VPS13A: variants seen among roughly 807,000 people sequenced by gnomAD.
The protein encoded by VPS13A is intermembrane lipid transfer protein VPS13A.
In VPS13A, 264 loss-of-function variants were observed where a neutral mutation model predicts 390.9. The observed-to-expected ratio is 0.68, with a 90% CI of 0.61 to 0.75. The LOEUF is 0.75. Among genes scored for constraint, VPS13A ranks in the 30% least tolerant of loss-of-function variants. VPS13A has a pLI of 0.00. For synonymous variants in VPS13A, 1,231 were observed against 1,227.1 expected (o/e 1.00, Z -0.07); for missense variants, 3,409 against 3,733.9 (o/e 0.91, Z 2.27).
At chr9:77,294,016 G>A (rs1014478765) in intron 32 of VPS13A, among the ~76,000 whole-genome samples, 12 of 151,982 alleles carry the variant, frequency 7.9e-5, no homozygotes, top group African/African-American at 2.9e-4. Flanking sequence ...TGATCCTCCC[G>A]CCCCAACCTC....
chr9:77,340,094 T>A, intron 48 of VPS13A, 84 bp from the exon 49 acceptor site: 1 of 1,403,544 alleles, frequency 7.1e-7, no homozygotes, highest in Non-Finnish European at 1.0e-6. Context: ...ATATTTTGTT[T>A]ATGCTAAAAA....
intron 45 of VPS13A, among the ~76,000 whole-genome samples, chr9:77,324,973 C>CT (rs1273327780): frequency 1.1e-4 from 16 of 152,132 alleles, no homozygotes; most frequent in Admixed American, 5.9e-4. Context: ...GGCATATAGT[C>CT]TCAGGATTCC....
At chr9:77,218,306 G>A (rs1396810656) in intron 10 of VPS13A, among the ~76,000 whole-genome samples, 1 of 151,786 alleles carries the variant, frequency 6.6e-6, no homozygotes, top group African/African-American at 2.4e-5. Context: ...ATACAGATGG[G>A]GTTTCACTGT....
chr9:77,227,703 T>G (rs1330604620), intron 16 of VPS13A, among the ~76,000 whole-genome samples: 2 of 134,640 alleles, frequency 1.5e-5, no homozygotes, highest in Admixed American at 7.4e-5. Context: ...TTTTTTTTTG[T>G]TTTTTTTTTT....
intron 31 of VPS13A, among the ~76,000 whole-genome samples, chr9:77,289,144 GT>G (rs1164768652): frequency 6.6e-6 from 1 of 152,054 alleles, no homozygotes; most frequent in African/African-American, 2.4e-5. Flanking sequence ...GTTGCCCAGG[GT>G]GGTCTTGAAC....
chr9:77,321,114 A>T, intron 42 of VPS13A, 55 bp from the exon 43 acceptor site: 1 of 1,484,636 alleles, frequency 6.7e-7, no homozygotes, highest in South Asian at 1.2e-5. Context: ...GGATTTGTCT[A>T]GTTATGTTGT....
chr9:77,336,401 A>T (rs1830538863), intron 46 of VPS13A, among the ~76,000 whole-genome samples: 1 of 152,158 alleles, frequency 6.6e-6, no homozygotes, highest in Non-Finnish European at 1.5e-5. Flanking sequence ...GTAAAATATC[A>T]TACTGATGTT....
At chr9:77,274,698 G>A (rs1263318443) in intron 24 of VPS13A, among the ~76,000 whole-genome samples, 4 of 151,896 alleles carry the variant, frequency 2.6e-5, no homozygotes, top group Admixed American at 2.6e-4. Context: ...ATTAGAAAAG[G>A]TGTATGTCTA....
At chr9:77,209,978 C>T (rs1825876307) in intron 6 of VPS13A, among the ~76,000 whole-genome samples, 1 of 151,766 alleles carries the variant, frequency 6.6e-6, no homozygotes, top group African/African-American at 2.4e-5. Context: ...TTTTTGTAAA[C>T]TGGAAAACAT....
In VPS13A at chr9:77,337,411, A is replaced by G. The variant is rs535196763; in HGVS notation, c.6252A>G (p.Glu2084=). ...CATTTCTCATTAATATTGTTCCAGA[A>G]AAAGATAATTTAACATCTCTATCAG... ...KESFLINIVP[E]KDNLTSLSVY... The change falls in exon 47 of 72, where the codon GAA becomes GAG. Residue 2084 remains glutamate, a synonymous_variant. Coordinates refer to ENST00000360280, the MANE Select transcript of VPS13A (RefSeq NM_033305.3). 24 of 1,613,142 alleles carry G rather than the reference A, an allele frequency of 1.5e-5. 1 individual carries two copies. The East Asian group carries it at 1.6e-4, about 11-fold the overall frequency.
intron 34 of VPS13A, among the ~76,000 whole-genome samples, chr9:77,303,383 A>C (rs1008690424): frequency 6.6e-6 from 1 of 152,188 alleles, no homozygotes; most frequent in Admixed American, 6.5e-5. Context: ...AATCAGACAC[A>C]TAATTAAAAT....
intron 32 of VPS13A, 45 bp from the exon 33 acceptor site, chr9:77,295,497 C>A: frequency 6.9e-7 from 1 of 1,448,234 alleles, no homozygotes; most frequent in Non-Finnish European, 9.2e-7. Context: ...TTTAATAAGT[C>A]GTATTTATTA....
At chr9:77,218,654 T>G (rs1823002427) in intron 10 of VPS13A, among the ~76,000 whole-genome samples, 1 of 151,938 alleles carries the variant, frequency 6.6e-6, no homozygotes, top group Non-Finnish European at 1.5e-5. Flanking sequence ...CTTTTTTTTT[T>G]TTTTTTGGAA....
intron 68 of VPS13A, among the ~76,000 whole-genome samples, chr9:77,400,195 TG>T (rs1834310958): frequency 1.3e-5 from 2 of 150,854 alleles, no homozygotes; most frequent in African/African-American, 4.9e-5. Context: ...TGAGTTATAG[TG>T]AATATTTTCT....
rs1835187764 is a variant in VPS13A at position 77,416,943 on chromosome 9, C to T, written c.*937C>T. ...TGTACCCTAAAATCTAACCCAATAA[C>T]CTGTCCCGTTGCCAATAGATTGAGA... On this transcript the variant is annotated 3_prime_UTR_variant, in exon 72 of 72. Coordinates refer to ENST00000360280, the MANE Select transcript of VPS13A (RefSeq NM_033305.3). 6.6e-6 allele frequency: 1 copy of T among 152,594 alleles called. No individual in the cohort carries two copies. Among genetic ancestry groups the T allele is most frequent in the Non-Finnish European group, 1.5e-5 (1 of 68,024 alleles). 9.5% of individuals were successfully genotyped at this position (152,594 alleles called of 1,614,324 possible). A position where few individuals can be genotyped will look rare whatever the true frequency, so the allele number is the denominator to read the frequency against.
chr9:77,253,354 G>A (rs1328011326), intron 22 of VPS13A, among the ~76,000 whole-genome samples: 1 of 152,056 alleles, frequency 6.6e-6, no homozygotes, highest in African/African-American at 2.4e-5. Context: ...CACCCAGGCT[G>A]GAGTGCAGTG....
intron 57 of VPS13A, 110 bp from the exon 58 acceptor site, chr9:77,359,223 A>G: frequency 1.1e-6 from 1 of 900,646 alleles, no homozygotes; most frequent in Non-Finnish European, 1.8e-6. Context: ...TTTAACTGAT[A>G]TTTATTATTT....
rs57841628 is a variant in VPS13A at position 77,341,691 on chromosome 9, C to CTTTTTTTTTTTT, written c.7026+1159_7026+1170dup. Among the ~76,000 whole-genome samples the CTTTTTTTTTTTT allele has an allele frequency of 5.5e-3, 207 of 37,846 alleles. 31 individuals carry two copies. The highest frequency in any genetic ancestry group is 6.0e-3 in the Non-Finnish European group (130 of 21,614). The allele number at this position is 37,846 out of a possible 152,430, so 24.8% of individuals were successfully genotyped here. A position where few individuals can be genotyped will look rare whatever the true frequency, so the allele number is the denominator to read the frequency against. On this transcript the variant is annotated intron_variant, in intron 50 of 71. Transcript: ENST00000360280. ...AGTAAGTTCTACATGGACATCTTTC[C>CTTTTTTTTTTTT]TTTTTTTTTTTTTTTTTTTTTTTTT...
At chr9:77,192,322 G>A (rs571828426) in intron 1 of VPS13A, among the ~76,000 whole-genome samples, 36 of 152,258 alleles carry the variant, frequency 2.4e-4, no homozygotes, top group African/African-American at 7.2e-4. Context: ...TTTGAAGTGG[G>A]ATGTTTAGCC....
Sources: gnomAD v4.1 joint callset for allele counts (sites outside exome capture counted in the v4.1 genomes callset) on GRCh38, gnomAD v4.1.1 for gene constraint, MANE v1.5 for transcripts, NCBI Gene and HGNC (gene_info 2026-07-23, HGNC 2026-07-21) for gene names.